AQP7: variants seen among roughly 807,000 people sequenced by gnomAD.
The protein encoded by AQP7 is aquaporin 7, also known as aquaporin-7.
A neutral mutation model predicts 26.1 loss-of-function variants in AQP7; 22 were observed. That is an observed-to-expected ratio of 0.84 (90% CI 0.60 to 1.20). The LOEUF is 1.20. Ranked by LOEUF, AQP7 falls within the 50% of genes most tolerant of loss-of-function variation. AQP7 has a pLI of 0.00. For missense variants in AQP7, 412 were observed against 457.5 expected (o/e 0.90, Z 0.91); for synonymous variants, 167 against 181.7 (o/e 0.92, Z 0.65).
chr9:33,401,612 C>T lies in AQP7; in HGVS notation c.-25-325G>A, dbSNP rs1320209461. On this transcript the variant is annotated intron_variant, in intron 1 of 7. Coordinates refer to ENST00000297988, the MANE Select transcript of AQP7 (RefSeq NM_001170.3). ...CTCAGTGGCTCCAGCCTCATATTTG[C>T]GTGCTATACCTTTAACCTCAAGTCC... The T allele has an allele frequency of 4.1e-5, 15 of 367,174 alleles. No homozygotes were observed. In the East Asian group the frequency reaches 6.6e-4, roughly 16 times the overall value. 22.7% of individuals were successfully genotyped at this position (367,174 alleles called of 1,614,324 possible).
chr9:33,397,514 C>T (rs181964129), intron 2 of AQP7, among the ~76,000 whole-genome samples: 2 of 151,648 alleles, frequency 1.3e-5, no homozygotes, highest in Non-Finnish European at 2.9e-5. Context: ...CCTCCATCTA[C>T]TCCTCCCTGG....
chr9:33,385,561 G>A lies in AQP7; in HGVS notation c.743+88C>T, dbSNP rs118174430. The A allele has an allele frequency of 8.7e-3, 13,082 of 1,501,422 alleles. 73 individuals carry two copies. Among genetic ancestry groups the A allele is most frequent in the Non-Finnish European group, 0.011 (11,969 of 1,090,062 alleles). 93.0% of individuals were successfully genotyped at this position (1,501,422 alleles called of 1,614,324 possible). A position where few individuals can be genotyped will look rare whatever the true frequency, so the allele number is the denominator to read the frequency against. On this transcript the variant is annotated intron_variant, in intron 7 of 7. Transcript: ENST00000297988. The stretch of plus-strand genomic sequence containing the variant: ...CCTGGGGGCTCAGCAGGACCCTCCT[G>A]TGCTGCCCCTCACATCACCCCCCAC...
chr9:33,393,351 A>G (rs1342721059), intron 3 of AQP7, among the ~76,000 whole-genome samples: 1 of 152,264 alleles, frequency 6.6e-6, no homozygotes. Context: ...TCTACATGAT[A>G]TAAGTGAGAA....
At chr9:33,401,471 C>G (rs1440354739) in intron 1 of AQP7, 184 bp from the exon 2 acceptor site, 4 of 589,802 alleles carry the variant, frequency 6.8e-6, no homozygotes, top group Non-Finnish European at 1.2e-5. Flanking sequence ...CCCTGGAGCC[C>G]CACCCCACCC....
chr9:33,395,143 C>T lies in AQP7; in HGVS notation c.79G>A (p.Glu27Lys), dbSNP rs145775825. 1.9e-6 allele frequency: 3 copies of T among 1,613,432 alleles called. No homozygotes were observed. The African/African-American group carries it at 4.0e-5, about 22-fold the overall frequency. The change falls in exon 3 of 8, where the codon GAA (glutamate) becomes AAA (lysine). Residue 27 changes from glutamate to lysine, a missense_variant. Glu to Lys is a moderately conservative substitution (Grantham distance 56, BLOSUM62 1). Coordinates refer to ENST00000297988, the MANE Select transcript of AQP7 (RefSeq NM_001170.3). Reference sequence around the variant, plus strand: ...CGCACCATCTTCCTCTGCAGTATTTCCTGGATCTTTGCTATCACGGACCAG... The same window carrying T: ...CGCACCATCTTCCTCTGCAGTATTTTCTGGATCTTTGCTATCACGGACCAG... ...VSWSVIAKIQ[E>K]ILQRKMVREF...
At chr9:33,399,352 T>C (rs1826078061) in intron 2 of AQP7, among the ~76,000 whole-genome samples, 1 of 151,954 alleles carries the variant, frequency 6.6e-6, no homozygotes, top group South Asian at 2.1e-4. Context: ...CCCAACACTT[T>C]AGGAGGCCGA....
Position 33,385,401 on chromosome 9 carries a change from G to A in AQP7, c.744-111C>T, listed in dbSNP as rs1369017580. On this transcript the variant is annotated intron_variant, in intron 7 of 7. Coordinates refer to ENST00000297988, the MANE Select transcript of AQP7 (RefSeq NM_001170.3). The stretch of plus-strand genomic sequence containing the variant: ...GAGGAGTCATCCCCAGGCTACCCCA[G>A]GAAACACCCCCAACCCAGGGCCCTG... 2.8e-5 allele frequency: 37 copies of A among 1,309,770 alleles called. No individual in the cohort carries two copies. In the Admixed American group the frequency reaches 8.1e-4, roughly 29 times the overall value. 81.1% of individuals were successfully genotyped at this position (1,309,770 alleles called of 1,614,324 possible). A position where few individuals can be genotyped will look rare whatever the true frequency, so the allele number is the denominator to read the frequency against.
intron 2 of AQP7, among the ~76,000 whole-genome samples, chr9:33,400,401 T>C (rs1241384459): frequency 2.0e-5 from 3 of 151,432 alleles, no homozygotes; most frequent in Non-Finnish European, 2.9e-5. Flanking sequence ...GAGACGAGAG[T>C]GGGCTGTATG....
chr9:33,398,089 A>G (rs1825979582), intron 2 of AQP7, among the ~76,000 whole-genome samples: 1 of 152,098 alleles, frequency 6.6e-6, no homozygotes, highest in Admixed American at 6.5e-5. Flanking sequence ...TGAATGGCCT[A>G]GAGGAGGGGG....
intron 7 of AQP7, 45 bp downstream of exon 7, chr9:33,385,604 A>C (rs145413647): frequency 5.0e-5 from 80 of 1,603,032 alleles, no homozygotes; most frequent in Non-Finnish European, 6.1e-5. Context: ...CACACAGGGG[A>C]CCCACAGAAA....
At chr9:33,389,656 T>C (rs1232047245) in intron 3 of AQP7, among the ~76,000 whole-genome samples, 3 of 152,164 alleles carry the variant, frequency 2.0e-5, no homozygotes, top group South Asian at 4.1e-4. Context: ...CTAGAGTTGA[T>C]AAAAGAGAAA....
At position 33,384,957 on chromosome 9, in the gene AQP7, C is replaced by T; in HGVS notation, c.*48G>A. 2 of 1,556,714 alleles carry T rather than the reference C, an allele frequency of 1.3e-6. No homozygotes were observed. Among genetic ancestry groups the T allele is most frequent in the Non-Finnish European group, 1.7e-6 (2 of 1,147,922 alleles). On this transcript the variant is annotated 3_prime_UTR_variant, in exon 8 of 8. Transcript: ENST00000297988. The stretch of plus-strand genomic sequence containing the variant: ...AGGAAGTGGGGGTACTGCTGTCGGA[C>T]AAGCCTTGCTTTATTGGGGAATGGA...
rs577783586 is a variant in AQP7 at position 33,386,433 on chromosome 9, G to A, written c.377C>T (p.Ala126Val). Reference sequence around the variant, plus strand: ...GAAGAGACTGTAGATGGTGGCAGCCGCCAGGAAGGAGCCCAGGAACTGCCC... The same window carrying A: ...GAAGAGACTGTAGATGGTGGCAGCCACCAGGAAGGAGCCCAGGAACTGCCC... ...VLGQFLGSFLAAATIYSLFYT... is the reference protein window; with the variant it reads ...VLGQFLGSFLVAATIYSLFYT... Residue 126 changes from alanine to valine, a missense_variant, in exon 5 of 8, where the codon GCG (alanine) becomes GTG (valine). Physicochemically the swap from Ala to Val is moderately conservative, Grantham distance 64. Coordinates refer to ENST00000297988, the MANE Select transcript of AQP7 (RefSeq NM_001170.3). 3.2e-5 allele frequency: 51 copies of A among 1,610,718 alleles called. No individual in the cohort carries two copies. The Admixed American group carries it at 4.0e-4, about 13-fold the overall frequency.
At chr9:33,400,340 C>T (rs527428440) in intron 2 of AQP7, among the ~76,000 whole-genome samples, 8 of 152,154 alleles carry the variant, frequency 5.3e-5, no homozygotes, top group African/African-American at 1.9e-4. Flanking sequence ...TCAAATAGGG[C>T]AGCCAGAGTA....
At chr9:33,401,457 G>A (rs1007968033) in intron 1 of AQP7, 170 bp from the exon 2 acceptor site, 10 of 616,454 alleles carry the variant, frequency 1.6e-5, no homozygotes, top group Admixed American at 5.2e-5. Context: ...CCAATGAGGC[G>A]ACGCCCTGGA....
At position 33,395,096 on chromosome 9, in the gene AQP7, C is replaced by T. The variant is rs558128835; in HGVS notation, c.126G>A (p.Met42Ile). ...CACTCACCATCATGACATATGTGCT[C>T]ATGAACTCGGCCAGGAACTCTCGCA... ...KMVREFLAEFMSTYVMMVFGL... is the reference protein window; with the variant it reads ...KMVREFLAEFISTYVMMVFGL... Residue 42 changes from methionine (M) to isoleucine (I), a missense_variant, in exon 3 of 8, where the codon ATG (methionine) becomes ATA (isoleucine). Transcript: ENST00000297988. The T allele has an allele frequency of 5.3e-5, 85 of 1,613,822 alleles. No homozygotes were observed. The South Asian group carries it at 7.2e-4, about 14-fold the overall frequency.
intron 3 of AQP7, among the ~76,000 whole-genome samples, chr9:33,392,895 T>C (rs1261563030): frequency 1.3e-5 from 2 of 152,156 alleles, no homozygotes; most frequent in African/African-American, 2.4e-5. Context: ...ACACAAGTCC[T>C]CCAGTTTGAT....
intron 3 of AQP7, among the ~76,000 whole-genome samples, chr9:33,391,731 T>C (rs1437424477): frequency 1.3e-5 from 2 of 152,206 alleles, no homozygotes; most frequent in Non-Finnish European, 2.9e-5. Context: ...AAGCCCTCAC[T>C]TCTTGGCACA....
chr9:33,400,304 G>T (rs1826170733), intron 2 of AQP7, among the ~76,000 whole-genome samples: 1 of 152,160 alleles, frequency 6.6e-6, no homozygotes, highest in African/African-American at 2.4e-5. Context: ...AATTGGGAGT[G>T]CAGGGGCTGG....
Sources: allele counts gnomAD v4.1 joint callset (sites outside exome capture counted in the v4.1 genomes callset), GRCh38; gene constraint gnomAD v4.1.1; transcripts MANE v1.5; gene names NCBI Gene and HGNC (gene_info 2026-07-23, HGNC 2026-07-21).